Variants in USH2A observed in about 807,000 individuals in gnomAD.
The protein encoded by USH2A is Usher syndrome 2A (autosomal recessive, mild).
USH2A carries 443 observed loss-of-function variants against 538.9 expected under a neutral mutation model. That is an observed-to-expected ratio of 0.82 (90% CI 0.76 to 0.89). The LOEUF is 0.89. USH2A is among the 40% of genes least tolerant of loss of function. The pLI, the probability that USH2A is intolerant of heterozygous loss-of-function variation, is 0.00. For missense variants in USH2A, 6,633 were observed against 6,324.8 expected, an observed-to-expected ratio of 1.05 and a Z score of -1.65; for synonymous variants, 2,413 against 2,273.5, an observed-to-expected ratio of 1.06 and a Z score of -1.75.
At chr1:216,083,727 CT>C (rs2032023966) in intron 25 of USH2A, 141 bp from the exon 26 acceptor site, 1 of 825,656 alleles carries the variant, frequency 1.2e-6, no homozygotes, top group African/African-American at 1.7e-5. Context: ...TAAGAAATTC[CT>C]TTTGTAATTG....
At chr1:216,124,372 G>A (rs879497115) in intron 21 of USH2A, among the ~76,000 whole-genome samples, 3 of 151,866 alleles carry the variant, frequency 2.0e-5, no homozygotes, top group Non-Finnish European at 4.4e-5. Flanking sequence ...GCAAGGAAGC[G>A]TATTGATTAG....
At chr1:216,196,307 A>C (rs1046933506) in intron 19 of USH2A, among the ~76,000 whole-genome samples, 1 of 152,182 alleles carries the variant, frequency 6.6e-6, no homozygotes, top group African/African-American at 2.4e-5. Flanking sequence ...GATACATGAT[A>C]AATGGAAAAA....
chr1:216,411,558 T>C (rs1161643830), intron 3 of USH2A, among the ~76,000 whole-genome samples: 1 of 152,144 alleles, frequency 6.6e-6, no homozygotes, highest in Non-Finnish European at 1.5e-5. Context: ...TGGAGTGATG[T>C]AGCTACAAGC....
At chr1:215,954,117 G>A (rs1479815596) in intron 37 of USH2A, among the ~76,000 whole-genome samples, 1 of 152,130 alleles carries the variant, frequency 6.6e-6, no homozygotes. Context: ...CTGTTGGTGG[G>A]ACTGTAAACT....
chr1:215,646,226 A>G (rs1331330202), intron 67 of USH2A, among the ~76,000 whole-genome samples: 2 of 152,148 alleles, frequency 1.3e-5, no homozygotes, highest in African/African-American at 4.8e-5. Context: ...GGCCTGTGAC[A>G]TAGAAGAGTC....
At chr1:216,011,793 C>T (rs1668579992) in intron 32 of USH2A, among the ~76,000 whole-genome samples, 1 of 151,760 alleles carries the variant, frequency 6.6e-6, no homozygotes, top group Admixed American at 6.6e-5. Flanking sequence ...TTCAGCTGTA[C>T]TCACTCTTTG....
intron 11 of USH2A, among the ~76,000 whole-genome samples, chr1:216,281,320 A>G (rs2036771456): frequency 6.6e-6 from 1 of 152,140 alleles, no homozygotes; most frequent in African/African-American, 2.4e-5. Flanking sequence ...TTTTCTGACT[A>G]TAAAAGTTAT....
intron 3 of USH2A, among the ~76,000 whole-genome samples, chr1:216,401,622 C>T (rs978437919): frequency 6.6e-6 from 1 of 151,922 alleles, no homozygotes; most frequent in Non-Finnish European, 1.5e-5. Flanking sequence ...TATCTGCAAA[C>T]ATTAATCAAA....
chr1:215,845,299 T>A (rs1282576757), intron 45 of USH2A, among the ~76,000 whole-genome samples: 1 of 152,098 alleles, frequency 6.6e-6, no homozygotes, highest in Non-Finnish European at 1.5e-5. Flanking sequence ...AATGAGACTT[T>A]ATAAAGCCAA....
Position 216,284,448 on chromosome 1 carries a change from C to T in USH2A, c.1971+4832G>A, listed in dbSNP as rs575274929. ...AAGGATGTGTTTGTTTCCCCTTCTG[C>T]CATGATTGTAAGTTTACTGAGGCCT... On this transcript the variant is annotated intron_variant, in intron 11 of 71. Coordinates refer to ENST00000307340, the MANE Select transcript of USH2A (RefSeq NM_206933.4). 6.6e-5 allele frequency among the ~76,000 whole-genome samples: 10 copies of T among 152,278 alleles called. No individual in the cohort carries two copies. In the East Asian group the frequency reaches 1.7e-3, roughly 26 times the overall value.
intron 9 of USH2A, among the ~76,000 whole-genome samples, chr1:216,298,705 A>G (rs2037153510): frequency 6.6e-6 from 1 of 152,194 alleles, no homozygotes; most frequent in Non-Finnish European, 1.5e-5. Context: ...TGATAATACC[A>G]GGGTGAAAGG....
rs752687361 is a variant in USH2A at position 216,072,903 on chromosome 1, C to T, written c.5843G>A (p.Arg1948His). Reference sequence around the variant, plus strand: ...TAAGTATTTACCTGCTCCTGTTGTACGTCCTCGACTCCAATCACTATATAC... The same window carrying T: ...TAAGTATTTACCTGCTCCTGTTGTATGTCCTCGACTCCAATCACTATATAC... Reference protein sequence around the residue: ...GSVYSDWSRGRTTGAAPQSVP... With the variant: ...GSVYSDWSRGHTTGAAPQSVP... Residue 1948 changes from arginine to histidine, a missense_variant, in exon 29 of 72, where the codon CGT (arginine) becomes CAT (histidine). Coordinates refer to ENST00000307340, the MANE Select transcript of USH2A (RefSeq NM_206933.4). 8.7e-6 allele frequency: 14 copies of T among 1,613,634 alleles called. No homozygotes were observed. Among genetic ancestry groups the T allele is most frequent in the East Asian group, 6.7e-5 (3 of 44,876 alleles).
At chr1:216,115,759 C>A (rs2032993343) in intron 21 of USH2A, among the ~76,000 whole-genome samples, 1 of 151,462 alleles carries the variant, frequency 6.6e-6, no homozygotes. Context: ...ACATTGAATT[C>A]ATTTGGAAAA....
At position 215,782,891 on chromosome 1, in the gene USH2A, C is replaced by T. The variant is rs756314581; in HGVS notation, c.10432G>A (p.Ala3478Thr). Residue 3478 changes from alanine to threonine, a missense_variant, in exon 53 of 72, where the codon GCC becomes ACC. Coordinates refer to ENST00000307340, the MANE Select transcript of USH2A (RefSeq NM_206933.4). Reference sequence around the variant, plus strand: ...AGTCCTCGCCCATAGCTGTTCCAGGCAGAAATCCTGTACTCATATGTCATG... The same window carrying T: ...AGTCCTCGCCCATAGCTGTTCCAGGTAGAAATCCTGTACTCATATGTCATG... ...PYMTYEYRISAWNSYGRGLSK... is the reference protein window; with the variant it reads ...PYMTYEYRISTWNSYGRGLSK... The T allele has an allele frequency of 6.2e-7, 1 of 1,613,712 alleles. No homozygotes were observed. The highest frequency in any genetic ancestry group is 8.5e-7 in the Non-Finnish European group (1 of 1,179,860).
At chr1:215,682,278 C>A (rs1194222773) in intron 61 of USH2A, among the ~76,000 whole-genome samples, 1 of 152,124 alleles carries the variant, frequency 6.6e-6, no homozygotes, top group Non-Finnish European at 1.5e-5. Flanking sequence ...AGGTGGGCTG[C>A]TGGGGGACAT....
intron 21 of USH2A, among the ~76,000 whole-genome samples, chr1:216,166,302 G>C (rs1000108862): frequency 1.3e-5 from 2 of 152,156 alleles, no homozygotes; most frequent in African/African-American, 4.8e-5. Flanking sequence ...GCATCTGAGA[G>C]AGTGTGCTAT....
At chr1:216,114,859 C>T (rs2032965806) in intron 21 of USH2A, among the ~76,000 whole-genome samples, 1 of 151,880 alleles carries the variant, frequency 6.6e-6, no homozygotes. Context: ...GAACTATAGG[C>T]TTATGTGTAT....
chr1:216,272,371 G>A (rs1435580830), intron 11 of USH2A, among the ~76,000 whole-genome samples: 7 of 151,918 alleles, frequency 4.6e-5, no homozygotes, highest in Non-Finnish European at 1.0e-4. Context: ...TTTGATGTTG[G>A]TACTTTGTGT....
chr1:215,867,951 A>G (rs1664522742), intron 43 of USH2A, among the ~76,000 whole-genome samples: 1 of 152,144 alleles, frequency 6.6e-6, no homozygotes, highest in Admixed American at 6.5e-5. Flanking sequence ...TTGGTTCAGA[A>G]CTACCTGTGT....
Sources: gnomAD v4.1 joint callset for allele counts (sites outside exome capture counted in the v4.1 genomes callset) on GRCh38, gnomAD v4.1.1 for gene constraint, MANE v1.5 for transcripts, NCBI Gene and HGNC (gene_info 2026-07-23, HGNC 2026-07-21) for gene names.